The following CDC42BPB variants were observed in gnomAD, a reference collection of about 807,000 sequenced individuals.
The protein encoded by CDC42BPB is serine/threonine-protein kinase MRCK beta.
In CDC42BPB, 37 loss-of-function variants were observed where a neutral mutation model predicts 214.9. The ratio of observed to expected loss-of-function variants is 0.17; its 90% confidence interval spans 0.13 to 0.23. The LOEUF (loss-of-function observed/expected upper bound fraction) is 0.23, where lower values mean the gene tolerates loss of function less well. Ranked by LOEUF, CDC42BPB falls within the 10% of genes least tolerant of loss-of-function variation. CDC42BPB has a pLI of 1.00. For synonymous variants in CDC42BPB, 931 were observed against 884.0 expected (o/e 1.05, Z -0.94); for missense variants, 1,694 against 2,227.0 (o/e 0.76, Z 4.82).
rs549415633 is a variant in CDC42BPB at position 102,949,648 on chromosome 14, A to G, written c.3449+117T>C. On this transcript the variant is annotated intron_variant, in intron 26 of 36. Transcript: ENST00000361246. Reference sequence around the variant, plus strand: ...GTACCCATTTTTGCAACCATACAATAATGAAGCAGGTGAAGTACTAATGAG... The same window carrying G: ...GTACCCATTTTTGCAACCATACAATGATGAAGCAGGTGAAGTACTAATGAG... 3.0e-6 allele frequency: 4 copies of G among 1,341,326 alleles called. No individual in the cohort carries two copies. The Admixed American group carries it at 6.0e-5, about 20-fold the overall frequency. 83.1% of individuals were successfully genotyped at this position (1,341,326 alleles called of 1,614,324 possible).
chr14:103,018,751 A>G (rs1886608639), intron 1 of CDC42BPB, among the ~76,000 whole-genome samples: 1 of 152,198 alleles, frequency 6.6e-6, no homozygotes, highest in Non-Finnish European at 1.5e-5. Context: ...AATCGTGAAG[A>G]GACCATCTCA....
chr14:102,954,895 C>T, intron 21 of CDC42BPB: 4 of 754,802 alleles, frequency 5.3e-6, no homozygotes, highest in Non-Finnish European at 6.5e-6. Context: ...AGGACCCCTG[C>T]ACTTGGCTTC....
intron 23 of CDC42BPB, among the ~76,000 whole-genome samples, chr14:102,953,082 G>C (rs1015055965): frequency 2.6e-5 from 4 of 152,260 alleles, no homozygotes; most frequent in Non-Finnish European, 5.9e-5. Flanking sequence ...CCCTCATCAG[G>C]AGTGGACACA....
chr14:103,037,025 C>T (rs1887703075), intron 1 of CDC42BPB, among the ~76,000 whole-genome samples: 1 of 151,998 alleles, frequency 6.6e-6, no homozygotes, highest in African/African-American at 2.4e-5. Flanking sequence ...CGCTATGCTG[C>T]CCAGGCTGGA....
chr14:103,031,240 G>A (rs1452504925), intron 1 of CDC42BPB, among the ~76,000 whole-genome samples: 2 of 151,932 alleles, frequency 1.3e-5, no homozygotes, highest in South Asian at 2.1e-4. Flanking sequence ...CCATCCCCAC[G>A]TAAACGCAGT....
Position 103,057,477 on chromosome 14 carries a change from C to CCGCCG in CDC42BPB, c.-305_-304insCGGCG. 4.7e-6 allele frequency: 1 copy of CCGCCG among 211,976 alleles called. No homozygotes were observed. Among genetic ancestry groups the CCGCCG allele is most frequent in the Non-Finnish European group, 8.0e-6 (1 of 125,110 alleles). The allele number at this position is 211,976 out of a possible 1,614,324, so 13.1% of individuals were successfully genotyped here. On this transcript the variant is annotated 5_prime_UTR_variant, in exon 1 of 37. Transcript: ENST00000361246. ...CAGCCCCGCCCGCGGCCGCGCCCTC[C>CCGCCG]CCGCCGCCGCCGCCGCAGACTAGGA...
chr14:102,934,089 A>C, intron 36 of CDC42BPB: 2 of 1,186,886 alleles, frequency 1.7e-6, no homozygotes, highest in Non-Finnish European at 2.2e-6. Context: ...AAAAGACAGC[A>C]ACTCTGTAGT....
At chr14:103,033,308 G>A (rs922107109) in intron 1 of CDC42BPB, among the ~76,000 whole-genome samples, 3 of 152,040 alleles carry the variant, frequency 2.0e-5, no homozygotes, top group Admixed American at 6.6e-5. Context: ...TGCAAGCCCC[G>A]CCTTCTGGGT....
chr14:102,967,198 C>A lies in CDC42BPB; in HGVS notation c.2347-28G>T, dbSNP rs530946113. ...GAAATGAAACAATTTCACCACAGAACTTGTTAATCGGGCATCCTTTAAGTA... is the reference window on the plus strand; with the variant it reads ...GAAATGAAACAATTTCACCACAGAAATTGTTAATCGGGCATCCTTTAAGTA... On this transcript the variant is annotated intron_variant, in intron 16 of 36. Coordinates refer to ENST00000361246, the MANE Select transcript of CDC42BPB (RefSeq NM_006035.4). 132 of 1,596,982 alleles carry A rather than the reference C, an allele frequency of 8.3e-5. 2 individuals are homozygous for A. The South Asian group carries it at 1.4e-3, about 17-fold the overall frequency.
intron 5 of CDC42BPB, among the ~76,000 whole-genome samples, chr14:102,995,475 T>G (rs1894685756): frequency 6.6e-6 from 1 of 152,204 alleles, no homozygotes; most frequent in Non-Finnish European, 1.5e-5. Flanking sequence ...GTGGCCGATG[T>G]TCTCTCTCTG....
At chr14:103,012,436 G>T (rs1272090285) in intron 1 of CDC42BPB, 1 of 177,632 alleles carries the variant, frequency 5.6e-6, no homozygotes, top group Non-Finnish European at 1.1e-5. Context: ...TGCAGCCGAC[G>T]ACGGACCACA....
At chr14:102,954,022 C>G (rs1329720604) in intron 23 of CDC42BPB, among the ~76,000 whole-genome samples, 176 bp downstream of exon 23, 1 of 152,226 alleles carries the variant, frequency 6.6e-6, no homozygotes, top group Non-Finnish European at 1.5e-5. Flanking sequence ...CTGACAGCTT[C>G]CTGAATTACA....
rs956693662 is a variant in CDC42BPB at position 102,943,662 on chromosome 14, G to A, written c.4408+229C>T. Among the ~76,000 whole-genome samples, 1 of 152,260 alleles carries A rather than the reference G, an allele frequency of 6.6e-6. No homozygotes were observed. Among genetic ancestry groups the A allele is most frequent in the African/African-American group, 2.4e-5 (1 of 41,554 alleles). The stretch of plus-strand genomic sequence containing the variant: ...CTCTGCTGAGGCCTCTGGAAGAACC[G>A]GCCCCATGTGCTCAGGGAGAGAGGT... On this transcript the variant is annotated intron_variant, in intron 30 of 36. Coordinates refer to ENST00000361246, the MANE Select transcript of CDC42BPB (RefSeq NM_006035.4). The surrounding 1 kb of genome is among the most constrained non-coding windows in gnomAD (Gnocchi z 4.6).
chr14:103,043,023 C>G (rs1055517659), intron 1 of CDC42BPB, among the ~76,000 whole-genome samples: 8 of 152,126 alleles, frequency 5.3e-5, no homozygotes, highest in African/African-American at 9.7e-5. Context: ...TTGGGAGGCC[C>G]AGGCAGGTGG....
At position 103,032,555 on chromosome 14, in the gene CDC42BPB, A is replaced by G. The variant is rs1231816603; in HGVS notation, c.176-20367T>C. ...AACTGCAAAAAAAAAAAAAAAAAAAAAGGAGAGAGAAAGAGCTTACAGATT... is the reference window on the plus strand; with the variant it reads ...AACTGCAAAAAAAAAAAAAAAAAAAGAGGAGAGAGAAAGAGCTTACAGATT... On this transcript the variant is annotated intron_variant, in intron 1 of 36. Coordinates refer to ENST00000361246, the MANE Select transcript of CDC42BPB (RefSeq NM_006035.4). 4.7e-3 allele frequency among the ~76,000 whole-genome samples: 709 copies of G among 150,328 alleles called. 7 individuals are homozygous for G. The highest frequency in any genetic ancestry group is 0.016 in the African/African-American group (671 of 40,718).
chr14:102,972,267 C>G, intron 12 of CDC42BPB, 106 bp from the exon 13 acceptor site: 1 of 1,541,824 alleles, frequency 6.5e-7, no homozygotes, highest in Non-Finnish European at 8.7e-7. Flanking sequence ...ACAGCCAATG[C>G]TGGTTACAGA....
intron 1 of CDC42BPB, among the ~76,000 whole-genome samples, chr14:103,051,519 G>T (rs1017794025): frequency 2.0e-5 from 3 of 151,394 alleles, no homozygotes; most frequent in Non-Finnish European, 2.9e-5. Flanking sequence ...ACAGTCCTGT[G>T]TGCCTGCCTG....
intron 22 of CDC42BPB, 106 bp downstream of exon 22, chr14:102,954,496 G>A: frequency 1.2e-5 from 16 of 1,368,504 alleles, no homozygotes; most frequent in Non-Finnish European, 1.5e-5. Flanking sequence ...CTGGGCAGAG[G>A]CCCTCGCTGC....
At chr14:102,945,360 G>C (rs567318899) in intron 29 of CDC42BPB, 2 of 512,088 alleles carry the variant, frequency 3.9e-6, no homozygotes, top group East Asian at 9.9e-5. Flanking sequence ...AGAAACTAAA[G>C]CTTCTCAAGT....
Sources: allele counts gnomAD v4.1 joint callset (sites outside exome capture counted in the v4.1 genomes callset), GRCh38; gene constraint gnomAD v4.1.1; non-coding constraint Gnocchi (gnomAD v3.1); transcripts MANE v1.5; gene names NCBI Gene and HGNC (gene_info 2026-07-23, HGNC 2026-07-21).